Variants in CACNA1D observed in about 807,000 individuals in gnomAD.
CACNA1D encodes the protein calcium voltage-gated channel subunit alpha1 D, also known as voltage-dependent L-type calcium channel subunit alpha-1D.
CACNA1D carries 55 observed loss-of-function variants against 257.1 expected under a neutral mutation model. That is an observed-to-expected ratio of 0.21 (90% CI 0.17 to 0.27). The LOEUF (loss-of-function observed/expected upper bound fraction) is 0.27. CACNA1D is among the 10% of genes least tolerant of loss of function. CACNA1D has a pLI of 1.00. For synonymous variants in CACNA1D, 980 were observed against 1,014.9 expected (o/e 0.97, Z 0.65); for missense variants, 1,876 against 2,784.0 (o/e 0.67, Z 7.34).
At position 53,768,102 on chromosome 3, in the gene CACNA1D, C is replaced by T. The variant is rs370621265; in HGVS notation, c.3871-1871C>T. Among the ~76,000 whole-genome samples, 7 of 152,328 alleles carry T rather than the reference C, an allele frequency of 4.6e-5. No homozygotes were observed. The South Asian group carries it at 1.0e-3, about 23-fold the overall frequency. Reference sequence around the variant, plus strand: ...GAGATGTACACTTCGAAATTCAGTTCGGTTGCTGACTTTCACAAACTCTAA... The same window carrying T: ...GAGATGTACACTTCGAAATTCAGTTTGGTTGCTGACTTTCACAAACTCTAA... On this transcript the variant is annotated intron_variant, in intron 30 of 47. Coordinates refer to ENST00000350061, the MANE Select transcript of CACNA1D (RefSeq NM_001128840.3).
chr3:53,611,346 A>G (rs2093580888), intron 3 of CACNA1D, among the ~76,000 whole-genome samples: 1 of 152,198 alleles, frequency 6.6e-6, no homozygotes, highest in Non-Finnish European at 1.5e-5. Context: ...TGATTGCACC[A>G]CTGCACTCCA....
At chr3:53,529,390 G>A (rs1478816205) in intron 3 of CACNA1D, among the ~76,000 whole-genome samples, 1 of 152,254 alleles carries the variant, frequency 6.6e-6, no homozygotes, top group Middle Eastern at 3.4e-3. Flanking sequence ...TATATATTGA[G>A]GGATTTGATT....
chr3:53,560,521 A>T (rs941150718), intron 3 of CACNA1D, among the ~76,000 whole-genome samples: 2 of 152,202 alleles, frequency 1.3e-5, no homozygotes, highest in African/African-American at 2.4e-5. Context: ...AATAAGCTTA[A>T]ATTTTCCTTA....
intron 3 of CACNA1D, among the ~76,000 whole-genome samples, chr3:53,585,952 G>T (rs1451377236): frequency 1.3e-5 from 2 of 152,158 alleles, no homozygotes; most frequent in African/African-American, 4.8e-5. Context: ...GAGAGCACCT[G>T]CCTGGAGTCC....
At chr3:53,747,138 C>T (rs547203081) in intron 25 of CACNA1D, among the ~76,000 whole-genome samples, 164 bp from the exon 26 acceptor site, 4 of 152,192 alleles carry the variant, frequency 2.6e-5, no homozygotes, top group African/African-American at 9.6e-5. Flanking sequence ...AAATGGAGGG[C>T]GAGGAGAGGA....
At chr3:53,718,601 C>CCCCCCCCCAAAAAA in intron 10 of CACNA1D, 3 of 1,103,186 alleles carry the variant, frequency 2.7e-6, no homozygotes, top group African/African-American at 1.6e-5. Context: ...CCCCCCGGCC[C>CCCCCCCCCAAAAAA]AGCATTTCAC....
chr3:53,508,902 G>A lies in CACNA1D; in HGVS notation c.483+7182G>A, dbSNP rs543020709. On this transcript the variant is annotated intron_variant, in intron 3 of 47. Transcript: ENST00000350061. ...TGGGGTGTACAGGGAGGGACCATGT[G>A]CACTGTTACTGTTGAGTGGACAGAT... Among the ~76,000 whole-genome samples the A allele has an allele frequency of 1.3e-4, 20 of 152,304 alleles. No individual in the cohort carries two copies. The South Asian group carries it at 3.3e-3, about 25-fold the overall frequency.
At position 53,497,371 on chromosome 3, in the gene CACNA1D, AC is replaced by A; in HGVS notation, c.288del (p.Ser97ArgfsTer26). The A allele has an allele frequency of 6.2e-7, 1 of 1,614,050 alleles. No homozygotes were observed. Among genetic ancestry groups the A allele is most frequent in the Non-Finnish European group, 8.5e-7 (1 of 1,180,002 alleles). The part of the protein sequence containing the change: ...QQYAKSKKQG[N>X]SSNSRPARAL... ...TACGCCAAGAGCAAAAAACAGGGTA[AC>A]TCGTCCAACAGCCGACCTGCCCGCG... On this transcript the variant is annotated frameshift_variant, in exon 2 of 48. Coordinates refer to ENST00000350061, the MANE Select transcript of CACNA1D (RefSeq NM_001128840.3). LOFTEE classifies it high-confidence loss of function.
At chr3:53,798,486 C>T (rs2095519496) in intron 40 of CACNA1D, among the ~76,000 whole-genome samples, 1 of 152,202 alleles carries the variant, frequency 6.6e-6, no homozygotes, top group African/African-American at 2.4e-5. Flanking sequence ...CTTGGTTTGA[C>T]CCGGGACATG....
At chr3:53,614,355 A>G (rs2093614515) in intron 3 of CACNA1D, among the ~76,000 whole-genome samples, 1 of 152,114 alleles carries the variant, frequency 6.6e-6, no homozygotes, top group Admixed American at 6.5e-5. Flanking sequence ...TTTGCCAGAA[A>G]TCCGCCCTCT....
intron 3 of CACNA1D, among the ~76,000 whole-genome samples, chr3:53,504,449 T>C (rs1018208393): frequency 6.6e-6 from 1 of 152,152 alleles, no homozygotes; most frequent in African/African-American, 2.4e-5. Context: ...AGTTTTGGGA[T>C]TTGGAGACTA....
chr3:53,557,023 T>C (rs994583083), intron 3 of CACNA1D, among the ~76,000 whole-genome samples: 1 of 152,142 alleles, frequency 6.6e-6, no homozygotes, highest in Non-Finnish European at 1.5e-5. Flanking sequence ...GCTGTCTTTC[T>C]GTTCTCTAAG....
At chr3:53,798,557 C>T (rs1191154010) in intron 40 of CACNA1D, among the ~76,000 whole-genome samples, 1 of 152,184 alleles carries the variant, frequency 6.6e-6, no homozygotes, top group African/African-American at 2.4e-5. Flanking sequence ...CTTTCATTCC[C>T]AGCTCTTCCT....
At chr3:53,683,405 A>G (rs2094449477) in intron 8 of CACNA1D, among the ~76,000 whole-genome samples, 1 of 152,216 alleles carries the variant, frequency 6.6e-6, no homozygotes, top group African/African-American at 2.4e-5. Context: ...AAAAGCATAG[A>G]AACAAGCTTC....
rs999672163 is a variant in CACNA1D at position 53,711,637 on chromosome 3, A to T, written c.1391-6664A>T. On this transcript the variant is annotated intron_variant, in intron 9 of 47. Transcript: ENST00000350061. ...GCCAACAACTAAGGGAACAGAGGGG[A>T]CACACTGTACTCTTTTCTTTGAAGT... Among the ~76,000 whole-genome samples the T allele has an allele frequency of 3.3e-5, 5 of 152,222 alleles. No homozygotes were observed. The East Asian group carries it at 9.6e-4, about 29-fold the overall frequency.
intron 30 of CACNA1D, among the ~76,000 whole-genome samples, chr3:53,769,528 T>C (rs2095354721): frequency 6.6e-6 from 1 of 152,190 alleles, no homozygotes; most frequent in East Asian, 1.9e-4. Flanking sequence ...CCAAGGGGGT[T>C]TGTGGCCCGC....
At chr3:53,674,090 G>A (rs927597360) in intron 8 of CACNA1D, 9 of 542,084 alleles carry the variant, frequency 1.7e-5, no homozygotes, top group African/African-American at 9.5e-5. Flanking sequence ...TGGATTACAA[G>A]TGAGTTAAAG....
At chr3:53,744,920 G>A (rs2095153257) in intron 23 of CACNA1D, 93 bp downstream of exon 23, 2 of 773,572 alleles carry the variant, frequency 2.6e-6, no homozygotes, top group Non-Finnish European at 4.7e-6. Flanking sequence ...GAGGCCTGAT[G>A]GATTTTTAAA....
intron 9 of CACNA1D, among the ~76,000 whole-genome samples, chr3:53,711,085 G>C (rs4687736): frequency 0.27 from 41,357 of 151,924 alleles, 5,822 homozygotes; most frequent in African/African-American, 0.3. Context: ...TGTAAACAAA[G>C]AAGCAAACAA....
Sources: gnomAD v4.1 joint callset for allele counts (sites outside exome capture counted in the v4.1 genomes callset) on GRCh38, gnomAD v4.1.1 for gene constraint, MANE v1.5 for transcripts, NCBI Gene and HGNC (gene_info 2026-07-23, HGNC 2026-07-21) for gene names.